Variants in ZFYVE27 observed in about 807,000 individuals in gnomAD.
ZFYVE27 encodes the protein protrudin.
Under a neutral mutation model 52.8 loss-of-function variants are expected in ZFYVE27, and 36 were observed. The observed-to-expected ratio is 0.68, with a 90% CI of 0.52 to 0.90. The LOEUF is 0.90. Among genes scored for constraint, ZFYVE27 ranks in the 40% least tolerant of loss-of-function variants. ZFYVE27 has a pLI of 0.00. For synonymous variants in ZFYVE27, 223 were observed against 215.6 expected (o/e 1.03, Z -0.30); for missense variants, 450 against 527.2 (o/e 0.85, Z 1.43).
At chr10:97,752,790 A>G (rs1325963472) in intron 8 of ZFYVE27, 67 bp from the exon 9 acceptor site, 1 of 1,578,612 alleles carries the variant, frequency 6.3e-7, no homozygotes, top group African/African-American at 1.3e-5. Context: ...CCCTCCAGGT[A>G]GCTTCTTTCT....
chr10:97,738,394 G>C (rs1323912844), intron 1 of ZFYVE27, 83 bp from the exon 2 acceptor site: 1 of 1,493,270 alleles, frequency 6.7e-7, no homozygotes. Flanking sequence ...CAGGTTTACT[G>C]TTGGCACCAC....
chr10:97,749,399 C>A, intron 5 of ZFYVE27, 75 bp from the exon 6 acceptor site: 1 of 1,082,620 alleles, frequency 9.2e-7, no homozygotes, highest in Non-Finnish European at 1.4e-6. Context: ...CTGGACCCTG[C>A]TGTGGGTGTG....
intron 7 of ZFYVE27, 51 bp from the exon 8 acceptor site, chr10:97,751,340 G>T (rs2046942557): frequency 6.2e-7 from 1 of 1,600,438 alleles, no homozygotes. Flanking sequence ...CTCTGCCTTA[G>T]GGAGCAGCGC....
In ZFYVE27 at chr10:97,759,584, G is replaced by A; in HGVS notation, c.*284G>A. ...CTGGGACTGAGCGAGTGGACTTAGG[G>A]CTGGGCAGGCAGTAGCCACCAGAGG... On this transcript the variant is annotated 3_prime_UTR_variant, in exon 13 of 13. Coordinates refer to ENST00000684270, the MANE Select transcript of ZFYVE27 (RefSeq NM_001385875.1). 4.0e-6 allele frequency: 2 copies of A among 504,092 alleles called. No individual in the cohort carries two copies. The highest frequency in any genetic ancestry group is 7.3e-6 in the Non-Finnish European group (2 of 275,372). 31.2% of individuals were successfully genotyped at this position (504,092 alleles called of 1,614,324 possible).
At chr10:97,753,212 G>C (rs570360879) in intron 10 of ZFYVE27, 30 bp downstream of exon 10, 3 of 1,594,922 alleles carry the variant, frequency 1.9e-6, no homozygotes, top group South Asian at 1.1e-5. Flanking sequence ...CTGGGCTGGT[G>C]GGGGAGTGGG....
Position 97,760,027 on chromosome 10 carries a change from ACT to A in ZFYVE27, c.*731_*732del, listed in dbSNP as rs1261657812. ...CCCTCGAAGACACCTCAATTCACAG[ACT>A]CTCAGCCCACACAATGCCCCAGTGT... On this transcript the variant is annotated 3_prime_UTR_variant, in exon 13 of 13. Transcript: ENST00000684270. The A allele has an allele frequency of 1.3e-5, 2 of 153,668 alleles. No individual in the cohort carries two copies. The highest frequency in any genetic ancestry group is 2.4e-5 in the African/African-American group (1 of 41,450). 9.5% of individuals were successfully genotyped at this position (153,668 alleles called of 1,614,324 possible). A position where few individuals can be genotyped will look rare whatever the true frequency, so the allele number is the denominator to read the frequency against.
chr10:97,748,152 C>A, intron 4 of ZFYVE27, 117 bp from the exon 5 acceptor site: 1 of 950,594 alleles, frequency 1.1e-6, no homozygotes, highest in Non-Finnish European at 1.6e-6. Flanking sequence ...TCTTTAAGCA[C>A]ATGGTGAGTG....
Position 97,760,587 on chromosome 10 carries a change from A to T in ZFYVE27, c.*1287A>T, listed in dbSNP as rs1461881730. The stretch of plus-strand genomic sequence containing the variant: ...GGCTGCCTGGGACCCAGGACCCATG[A>T]GGGGGCTGAGAGGTTTCTACACTCG... On this transcript the variant is annotated 3_prime_UTR_variant, in exon 13 of 13. Coordinates refer to ENST00000684270, the MANE Select transcript of ZFYVE27 (RefSeq NM_001385875.1). The T allele has an allele frequency of 6.6e-6, 1 of 152,156 alleles. No individual in the cohort carries two copies. The highest frequency in any genetic ancestry group is 1.5e-5 in the Non-Finnish European group (1 of 68,076). The allele number at this position is 152,156 out of a possible 1,614,324, so 9.4% of individuals were successfully genotyped here. A position where few individuals can be genotyped will look rare whatever the true frequency, so the allele number is the denominator to read the frequency against.
intron 2 of ZFYVE27, among the ~76,000 whole-genome samples, chr10:97,740,969 G>A (rs774174844): frequency 2.6e-5 from 4 of 152,146 alleles, no homozygotes; most frequent in Non-Finnish European, 5.9e-5. Context: ...GACTTGAGTG[G>A]TGGTGTTTTT....
rs548911456 is a variant in ZFYVE27, at chr10:97,760,078, C to T, written c.*778C>T. On this transcript the variant is annotated 3_prime_UTR_variant, in exon 13 of 13. Coordinates refer to ENST00000684270, the MANE Select transcript of ZFYVE27 (RefSeq NM_001385875.1). The stretch of plus-strand genomic sequence containing the variant: ...GTCCCCAGCTCCGCTGGAGCAGCTG[C>T]AGGGCACTTGGATCACAACTTCTGC... 29 of 153,498 alleles carry T rather than the reference C, an allele frequency of 1.9e-4. No individual in the cohort carries two copies. Among genetic ancestry groups the T allele is most frequent in the Admixed American group, 1.2e-3 (18 of 15,460 alleles). The allele number at this position is 153,498 out of a possible 1,614,324, so 9.5% of individuals were successfully genotyped here. A position where few individuals can be genotyped will look rare whatever the true frequency, so the allele number is the denominator to read the frequency against.
intron 1 of ZFYVE27, 65 bp downstream of exon 1, chr10:97,737,386 G>A (rs1046978902): frequency 6.6e-6 from 1 of 152,388 alleles, no homozygotes; most frequent in East Asian, 1.9e-4. Flanking sequence ...TGGGTGCTTG[G>A]GCGCAGCGGG....
intron 8 of ZFYVE27, 24 bp downstream of exon 8, chr10:97,751,486 C>T: frequency 6.2e-7 from 1 of 1,612,168 alleles, no homozygotes; most frequent in South Asian, 1.1e-5. Flanking sequence ...CCCCAGCATC[C>T]TCTACTCAGC....
At chr10:97,742,304 G>A (rs923498782) in intron 2 of ZFYVE27, among the ~76,000 whole-genome samples, 8 of 152,154 alleles carry the variant, frequency 5.3e-5, no homozygotes, top group Admixed American at 5.2e-4. Flanking sequence ...CCTACTAAAT[G>A]TCCTTTATCA....
chr10:97,753,247 G>A, intron 10 of ZFYVE27, 65 bp downstream of exon 10: 2 of 1,559,454 alleles, frequency 1.3e-6, no homozygotes, highest in East Asian at 4.6e-5. Context: ...ACTCTAGTGG[G>A]GAACACCCAG....
chr10:97,739,453 T>G (rs944160217), intron 2 of ZFYVE27, among the ~76,000 whole-genome samples: 2 of 152,212 alleles, frequency 1.3e-5, no homozygotes, highest in African/African-American at 4.8e-5. Context: ...AATTTTCATT[T>G]TTTCTTTTGA....
chr10:97,752,354 G>A (rs1020196820), intron 8 of ZFYVE27, among the ~76,000 whole-genome samples: 3 of 152,196 alleles, frequency 2.0e-5, no homozygotes, highest in South Asian at 2.1e-4. Flanking sequence ...AGGCCATGCA[G>A]GCATTTGACT....
In ZFYVE27 at chr10:97,746,047, ATATATTTT is replaced by A. The variant is rs1408968610; in HGVS notation, c.455+1134_455+1141del. On this transcript the variant is annotated intron_variant, in intron 4 of 12. Transcript: ENST00000684270. ...TATACACATATATATATATATATATATATATTTTTTTTTTTTTTTGAGACAGAGTCTTG... is the reference window on the plus strand; with the variant it reads ...TATACACATATATATATATATATATATTTTTTTTTTTGAGACAGAGTCTTG... 4.2e-4 allele frequency among the ~76,000 whole-genome samples: 28 copies of A among 66,540 alleles called. 1 individual carries two copies. The highest frequency in any genetic ancestry group is 1.4e-3 in the African/African-American group (28 of 20,348). The allele number at this position is 66,540 out of a possible 152,430, so 43.7% of individuals were successfully genotyped here.
chr10:97,737,268 T>C lies in ZFYVE27; in HGVS notation c.-55T>C, dbSNP rs370293145. On this transcript the variant is annotated 5_prime_UTR_variant, in exon 1 of 13. Transcript: ENST00000684270. ...AAGAAACGCTCCGGGGCCCAGTGGCTCTACCCCTGCTCCTGCCCGACCCTG... is the reference window on the plus strand; with the variant it reads ...AAGAAACGCTCCGGGGCCCAGTGGCCCTACCCCTGCTCCTGCCCGACCCTG... 5 of 152,298 alleles carry C rather than the reference T, an allele frequency of 3.3e-5. No homozygotes were observed. The highest frequency in any genetic ancestry group is 3.8e-4 in the East Asian group (2 of 5,196). 9.4% of individuals were successfully genotyped at this position (152,298 alleles called of 1,614,324 possible).
intron 4 of ZFYVE27, 136 bp from the exon 5 acceptor site, chr10:97,748,133 A>T: frequency 1.2e-6 from 1 of 838,980 alleles, no homozygotes; most frequent in Non-Finnish European, 2.0e-6. Flanking sequence ...TGCTCTCTCG[A>T]CTCCTCTCTC....
Sources: gnomAD v4.1 joint callset for allele counts (sites outside exome capture counted in the v4.1 genomes callset) on GRCh38, gnomAD v4.1.1 for gene constraint, MANE v1.5 for transcripts, NCBI Gene and HGNC (gene_info 2026-07-23, HGNC 2026-07-21) for gene names.